TTC39A: variants seen among roughly 807,000 people sequenced by gnomAD.
TTC39A encodes the protein tetratricopeptide repeat domain 39A.
A neutral mutation model predicts 82.3 loss-of-function variants in TTC39A; 46 were observed. The observed-to-expected ratio is 0.56, with a 90% CI of 0.44 to 0.71. The LOEUF (loss-of-function observed/expected upper bound fraction) is 0.71, where lower values mean the gene tolerates loss of function less well. TTC39A is among the 30% of genes least tolerant of loss of function. The probability of loss-of-function intolerance (pLI) is 0.00; values close to 1 mark genes in which losing one functional copy is unlikely to be tolerated. For missense variants in TTC39A, 543 were observed against 712.9 expected (o/e 0.76, Z 2.71); for synonymous variants, 254 against 275.2 (o/e 0.92, Z 0.76).
At chr1:51,318,024 C>A (rs1438545300) in intron 2 of TTC39A, among the ~76,000 whole-genome samples, 1 of 152,166 alleles carries the variant, frequency 6.6e-6, no homozygotes, top group African/African-American at 2.4e-5. Flanking sequence ...GCTCGAGGAC[C>A]CAGGCACAGC....
In TTC39A at chr1:51,321,586, A is replaced by G. The variant is rs1645520269; in HGVS notation, c.146+135T>C. On this transcript the variant is annotated intron_variant, in intron 2 of 17. Transcript: ENST00000680483. The surrounding 1 kb of genome is among the most constrained non-coding windows in gnomAD (Gnocchi z 4.6). The stretch of plus-strand genomic sequence containing the variant: ...GTGGAATGGAGCTTGAGCCATTTTT[A>G]TGGGACTTCTCAGAGGTCCTGGTGA... The G allele has an allele frequency of 1.3e-6, 1 of 745,816 alleles. No homozygotes were observed. The highest frequency in any genetic ancestry group is 2.2e-6 in the Non-Finnish European group (1 of 448,004). 46.2% of individuals were successfully genotyped at this position (745,816 alleles called of 1,614,324 possible).
chr1:51,306,505 T>TCCAGAATGTCTCCAGACACTG (rs1389021002), intron 6 of TTC39A, among the ~76,000 whole-genome samples: 8 of 152,116 alleles, frequency 5.3e-5, no homozygotes, highest in African/African-American at 1.9e-4. Context: ...TAGCTGGACA[T>TCCAGAATGTCTCCAGACACTG]CCAGAATGTC....
chr1:51,320,312 G>T (rs1418808696), intron 2 of TTC39A, among the ~76,000 whole-genome samples: 1 of 151,980 alleles, frequency 6.6e-6, no homozygotes, highest in Non-Finnish European at 1.5e-5. Context: ...GAAGGAAATA[G>T]TCTCGCACAT....
chr1:51,291,923 T>G (rs1232909273), intron 14 of TTC39A, among the ~76,000 whole-genome samples: 1 of 152,202 alleles, frequency 6.6e-6, no homozygotes, highest in Non-Finnish European at 1.5e-5. Context: ...CTGAATGCAG[T>G]GGCTTACGCC....
chr1:51,316,103 T>A (rs1234654661), intron 2 of TTC39A, among the ~76,000 whole-genome samples: 1 of 152,060 alleles, frequency 6.6e-6, no homozygotes, highest in African/African-American at 2.4e-5. Context: ...CCTTATTGCT[T>A]GTTTCACCAT....
chr1:51,318,451 AC>A (rs1645375738), intron 2 of TTC39A, among the ~76,000 whole-genome samples: 1 of 152,156 alleles, frequency 6.6e-6, no homozygotes, highest in Non-Finnish European at 1.5e-5. Flanking sequence ...GTCCCCTCAG[AC>A]AGTGGGAGTA....
intron 1 of TTC39A, chr1:51,322,186 G>A: frequency 6.6e-7 from 1 of 1,516,148 alleles, no homozygotes; most frequent in Non-Finnish European, 8.8e-7. Context: ...CCCCCAGGGG[G>A]TGCAGCCCAG....
chr1:51,338,953 G>C (rs960328228), intron 1 of TTC39A, among the ~76,000 whole-genome samples: 3 of 152,030 alleles, frequency 2.0e-5, no homozygotes, highest in African/African-American at 7.2e-5. Context: ...TCAGCCCTTT[G>C]GTACACCTTT....
intron 1 of TTC39A, among the ~76,000 whole-genome samples, chr1:51,339,213 G>A (rs1646007460): frequency 6.6e-6 from 1 of 152,154 alleles, no homozygotes; most frequent in African/African-American, 2.4e-5. Context: ...AAGAAAAGGA[G>A]CCAAAAGGAA....
intron 6 of TTC39A, among the ~76,000 whole-genome samples, chr1:51,308,326 G>A (rs1057386056): frequency 3.4e-5 from 5 of 148,074 alleles, no homozygotes; most frequent in Admixed American, 6.8e-5. Context: ...TGCAACCTCC[G>A]CCTCCCTGGT....
chr1:51,344,899 C>CT (rs1646078692), intron 1 of TTC39A: 1 of 1,449,170 alleles, frequency 6.9e-7, no homozygotes. Context: ...CCAGCTGTGC[C>CT]TCTCAGCTGT....
At chr1:51,345,044 G>A (rs1236104121) in exon 1 of TTC39A, 1 of 1,481,848 alleles carries the variant, frequency 6.7e-7, no homozygotes, top group South Asian at 1.3e-5. Flanking sequence ...GAAAGGCCAT[G>A]GGCGCGGGCC....
At position 51,288,122 on chromosome 1, in the gene TTC39A, GTC is replaced by G. The variant is rs1220438196; in HGVS notation, c.*33_*34del. 1 of 1,613,056 alleles carries G rather than the reference GTC, an allele frequency of 6.2e-7. No homozygotes were observed. Among genetic ancestry groups the G allele is most frequent in the Non-Finnish European group, 8.5e-7 (1 of 1,179,438 alleles). On this transcript the variant is annotated 3_prime_UTR_variant, in exon 18 of 18. Coordinates refer to ENST00000680483, the MANE Select transcript of TTC39A (RefSeq NM_001297663.2). This position sits in a 1 kb window ranked among gnomAD's most constrained non-coding sequence, Gnocchi z 4.8. Reference sequence around the variant, plus strand: ...ATGTTTTCAGGAGCTCTGTCCAGCTGTCTCTGTCTTCCAGCCCGGAACTGCTG... The same window carrying G: ...ATGTTTTCAGGAGCTCTGTCCAGCTGTCTGTCTTCCAGCCCGGAACTGCTG...
At chr1:51,338,411 C>CA (rs1299451061) in intron 1 of TTC39A, among the ~76,000 whole-genome samples, 1 of 151,956 alleles carries the variant, frequency 6.6e-6, no homozygotes, top group East Asian at 1.9e-4. Context: ...GGGGCACAGT[C>CA]AAAGGCAGGT....
chr1:51,320,017 C>A (rs1201886212), intron 2 of TTC39A, among the ~76,000 whole-genome samples: 2 of 152,070 alleles, frequency 1.3e-5, no homozygotes, highest in Admixed American at 1.3e-4. Context: ...ATAGGACATT[C>A]CCTGGCAAAT....
chr1:51,337,022 G>A (rs948616029), intron 1 of TTC39A, among the ~76,000 whole-genome samples: 1 of 152,140 alleles, frequency 6.6e-6, no homozygotes. Flanking sequence ...GCTGGGCATG[G>A]TGGCACACAA....
upstream of TTC39A, chr1:51,330,735 G>T (rs1645887726): frequency 1.6e-6 from 1 of 644,940 alleles, no homozygotes; most frequent in South Asian, 4.8e-5. The surrounding 1 kb of genome is among the most constrained non-coding windows in gnomAD (Gnocchi z 4.5). Flanking sequence ...TCCGACAGGT[G>T]AGAGCCCGGC....
chr1:51,320,936 G>A (rs895953353), intron 2 of TTC39A, among the ~76,000 whole-genome samples: 10 of 146,026 alleles, frequency 6.8e-5, no homozygotes, highest in Admixed American at 6.9e-5. Context: ...GCAGTGGCAC[G>A]ATCTTGGCTC....
In TTC39A at chr1:51,330,551, G is replaced by GCCGGGC; in HGVS notation, c.-80_-75dup. On this transcript the variant is annotated 5_prime_UTR_variant, in exon 1 of 18. Coordinates refer to ENST00000680483, the MANE Select transcript of TTC39A (RefSeq NM_001297663.2). The surrounding 1 kb of genome is among the most constrained non-coding windows in gnomAD (Gnocchi z 4.5). The stretch of plus-strand genomic sequence containing the variant: ...CCAGGTGCTGCCGCCGCAACCCCGA[G>GCCGGGC]CCGGGCGCTGTGCGGTCGCGGACGC... 1.0e-6 allele frequency: 1 copy of GCCGGGC among 983,488 alleles called. No homozygotes were observed. The highest frequency in any genetic ancestry group is 1.2e-6 in the Non-Finnish European group (1 of 829,912). The allele number at this position is 983,488 out of a possible 1,614,324, so 60.9% of individuals were successfully genotyped here. A position where few individuals can be genotyped will look rare whatever the true frequency, so the allele number is the denominator to read the frequency against.
Sources: allele counts gnomAD v4.1 joint callset (sites outside exome capture counted in the v4.1 genomes callset), GRCh38; gene constraint gnomAD v4.1.1; non-coding constraint Gnocchi (gnomAD v3.1); transcripts MANE v1.5; gene names NCBI Gene and HGNC (gene_info 2026-07-23, HGNC 2026-07-21).